The following ANKRD45 variants were observed in gnomAD, a reference collection of about 807,000 sequenced individuals.
The protein encoded by ANKRD45 is ankyrin repeat domain-containing protein 45.
Under a neutral mutation model 28.1 loss-of-function variants are expected in ANKRD45, and 21 were observed. That is an observed-to-expected ratio of 0.75 (90% CI 0.53 to 1.08). ANKRD45 has a LOEUF of 1.08. ANKRD45 is among the 50% of genes least tolerant of loss of function. The pLI, the probability that ANKRD45 is intolerant of heterozygous loss-of-function variation, is 0.00. For missense variants in ANKRD45, 261 were observed against 308.7 expected, an observed-to-expected ratio of 0.85 and a Z score of 1.16; for synonymous variants, 86 against 103.9, an observed-to-expected ratio of 0.83 and a Z score of 1.05.
chr1:173,650,713 C>G (rs989030447), intron 2 of ANKRD45, among the ~76,000 whole-genome samples: 1 of 152,224 alleles, frequency 6.6e-6, no homozygotes, highest in Non-Finnish European at 1.5e-5. Context: ...CTCCCACCAA[C>G]AGTGTAAAAG....
chr1:173,665,188 A>C (rs954506020), intron 1 of ANKRD45, among the ~76,000 whole-genome samples: 2 of 151,988 alleles, frequency 1.3e-5, no homozygotes, highest in African/African-American at 2.4e-5. Context: ...ACAACAACAA[A>C]AAACTAGGTC....
intron 1 of ANKRD45, among the ~76,000 whole-genome samples, chr1:173,665,158 T>A (rs900438845): frequency 1.3e-5 from 2 of 152,172 alleles, no homozygotes; most frequent in South Asian, 2.1e-4. Flanking sequence ...TTTTCTTTTT[T>A]AAAAAAATAA....
At chr1:173,659,504 C>A in intron 1 of ANKRD45, 71 bp from the exon 2 acceptor site, 2 of 1,324,792 alleles carry the variant, frequency 1.5e-6, no homozygotes, top group South Asian at 3.3e-5. Context: ...TTTATTTGCT[C>A]AGTCAACTGA....
At chr1:173,676,488 C>T in the ANKRD45 span, among the ~76,000 whole-genome samples, 1 of 152,042 alleles carries the variant, frequency 6.6e-6, no homozygotes, top group African/African-American at 2.4e-5. Flanking sequence ...TCCTGTTCTG[C>T]TTGATAGTCA....
At chr1:173,669,544 G>A (rs2102405733) in intron 1 of ANKRD45, 1 of 454,206 alleles carries the variant, frequency 2.2e-6, no homozygotes, top group East Asian at 7.0e-5. Context: ...TGATCCAGGA[G>A]GTCCCGCGAG....
chr1:173,692,592 A>G, the ANKRD45 span, among the ~76,000 whole-genome samples: 1 of 152,196 alleles, frequency 6.6e-6, no homozygotes, highest in Non-Finnish European at 1.5e-5. Flanking sequence ...ACTTTGACAC[A>G]GGGAAGATGA....
intron 3 of ANKRD45, among the ~76,000 whole-genome samples, chr1:173,638,230 G>A (rs985715785): frequency 1.3e-5 from 2 of 152,100 alleles, no homozygotes; most frequent in African/African-American, 4.8e-5. Flanking sequence ...GAGAATCGGC[G>A]AGACATCTCT....
chr1:173,624,576 G>A (rs1051103074), intron 5 of ANKRD45, among the ~76,000 whole-genome samples: 3 of 151,678 alleles, frequency 2.0e-5, no homozygotes, highest in Non-Finnish European at 4.4e-5. Context: ...ATTAGTATTA[G>A]ACATTTCCTA....
intron 3 of ANKRD45, among the ~76,000 whole-genome samples, chr1:173,640,012 ACTTTAAAGAACCATTTAACCAAATTAGTT>A: frequency 6.6e-6 from 1 of 152,262 alleles, no homozygotes. Flanking sequence ...GATGAATCAG[ACTTTAAAGAACCATTTAACCAAATTAGTT>A]CTAGAAACTC....
chr1:173,698,069 G>A, the ANKRD45 span, among the ~76,000 whole-genome samples: 1 of 151,988 alleles, frequency 6.6e-6, no homozygotes, highest in African/African-American at 2.4e-5. Flanking sequence ...AAGAGACAAG[G>A]CCATTACATA....
chr1:173,632,906 A>G (rs1017597575), intron 3 of ANKRD45, among the ~76,000 whole-genome samples: 10 of 152,088 alleles, frequency 6.6e-5, no homozygotes, highest in African/African-American at 2.4e-4. Context: ...ATAGAACAGG[A>G]AAAACTAAAA....
At chr1:173,687,902 G>T in the ANKRD45 span, among the ~76,000 whole-genome samples, 5 of 152,018 alleles carry the variant, frequency 3.3e-5, no homozygotes, top group Non-Finnish European at 7.4e-5. Context: ...AGGTCTGGTC[G>T]GACCTTTGTG....
the ANKRD45 span, among the ~76,000 whole-genome samples, chr1:173,697,462 C>A: frequency 6.6e-6 from 1 of 152,192 alleles, no homozygotes; most frequent in East Asian, 1.9e-4. Context: ...CTAACAGCGG[C>A]TCTCTCAGCA....
chr1:173,657,283 G>A (rs933009336), intron 2 of ANKRD45: 8 of 265,826 alleles, frequency 3.0e-5, no homozygotes, highest in Admixed American at 7.9e-5. Context: ...CCTGGCCAAC[G>A]TGGCAAAACC....
At chr1:173,610,313 T>C (rs1263981525) in intron 5 of ANKRD45, 98 bp from the exon 6 acceptor site, 2 of 1,185,748 alleles carry the variant, frequency 1.7e-6, no homozygotes, top group African/African-American at 1.5e-5. Context: ...ATAAATTAGA[T>C]TGTCCCAGGC....
At chr1:173,709,195 T>C in the ANKRD45 span, among the ~76,000 whole-genome samples, 3 of 152,190 alleles carry the variant, frequency 2.0e-5, no homozygotes, top group South Asian at 2.1e-4. Context: ...CAGTTTTATC[T>C]AGAGGTTCAA....
intron 5 of ANKRD45, 44 bp from the exon 6 acceptor site, chr1:173,610,259 A>G (rs1667085815): frequency 3.2e-6 from 5 of 1,574,370 alleles, no homozygotes; most frequent in Admixed American, 1.7e-5. Flanking sequence ...TTAGTTTGCA[A>G]TATGAAACAA....
At chr1:173,677,159 A>C in the ANKRD45 span, among the ~76,000 whole-genome samples, 1 of 152,014 alleles carries the variant, frequency 6.6e-6, no homozygotes, top group Non-Finnish European at 1.5e-5. Flanking sequence ...CATTCATTTA[A>C]CCAAAGTGAT....
At chr1:173,672,169 T>G (rs1670281182), upstream of ANKRD45, among the ~76,000 whole-genome samples, 1 of 152,182 alleles carries the variant, frequency 6.6e-6, no homozygotes, top group Non-Finnish European at 1.5e-5. Context: ...AGAATAAATT[T>G]GAATTTTTTC....
Sources: gnomAD v4.1 joint callset for allele counts (sites outside exome capture counted in the v4.1 genomes callset) on GRCh38, gnomAD v4.1.1 for gene constraint, MANE v1.5 for transcripts, NCBI Gene and HGNC (gene_info 2026-07-23, HGNC 2026-07-21) for gene names.